The following HS3ST4 variants were observed in gnomAD, a reference collection of about 807,000 sequenced individuals.
HS3ST4 encodes heparan sulfate glucosamine 3-O-sulfotransferase 4.
HS3ST4 carries 17 observed loss-of-function variants against 29.2 expected under a neutral mutation model. The ratio of observed to expected loss-of-function variants is 0.58; its 90% confidence interval spans 0.40 to 0.87. HS3ST4 has a LOEUF of 0.87. HS3ST4 is among the 40% of genes least tolerant of loss of function. HS3ST4 has a pLI of 0.00. For synonymous variants in HS3ST4, 314 were observed against 285.7 expected (o/e 1.10, Z -1.00); for missense variants, 627 against 634.5 (o/e 0.99, Z 0.13).
At chr16:25,717,698 A>G (rs1047753478) in intron 1 of HS3ST4, among the ~76,000 whole-genome samples, 1 of 152,142 alleles carries the variant, frequency 6.6e-6, no homozygotes, top group East Asian at 1.9e-4. Flanking sequence ...TGGAGAGGAA[A>G]GACATGCAAG....
intron 1 of HS3ST4, among the ~76,000 whole-genome samples, chr16:26,007,484 C>A (rs887365071): frequency 6.6e-6 from 1 of 152,158 alleles, no homozygotes; most frequent in Non-Finnish European, 1.5e-5. Context: ...GGAATGTTAA[C>A]GTCTGCATTT....
chr16:25,799,312 G>A (rs1446689901), intron 1 of HS3ST4, among the ~76,000 whole-genome samples: 1 of 152,120 alleles, frequency 6.6e-6, no homozygotes, highest in Non-Finnish European at 1.5e-5. Flanking sequence ...GTTGGATTTT[G>A]TAGAGCTTGT....
intron 1 of HS3ST4, among the ~76,000 whole-genome samples, chr16:26,071,195 T>C (rs74013251): frequency 0.042 from 6,321 of 152,220 alleles, 433 homozygotes; most frequent in African/African-American, 0.14. Context: ...CAATTCTTTG[T>C]GATGCGAGGA....
chr16:25,903,382 TAA>T (rs1184885160), intron 1 of HS3ST4, among the ~76,000 whole-genome samples: 3 of 145,726 alleles, frequency 2.1e-5, no homozygotes, highest in Admixed American at 7.0e-5. Flanking sequence ...TATATATATA[TAA>T]AATCACATAT....
At chr16:25,913,760 G>A (rs929066111) in intron 1 of HS3ST4, among the ~76,000 whole-genome samples, 25 of 152,088 alleles carry the variant, frequency 1.6e-4, no homozygotes, top group Non-Finnish European at 1.8e-4. Context: ...AGATGTGTGT[G>A]TGTATGTGTG....
chr16:25,840,799 G>A (rs1389750128), intron 1 of HS3ST4, among the ~76,000 whole-genome samples: 2 of 151,978 alleles, frequency 1.3e-5, no homozygotes, highest in Non-Finnish European at 2.9e-5. Flanking sequence ...AATAAACACT[G>A]TGGAGTTTTT....
At chr16:25,996,672 T>C (rs1969161606) in intron 1 of HS3ST4, among the ~76,000 whole-genome samples, 1 of 152,192 alleles carries the variant, frequency 6.6e-6, no homozygotes, top group African/African-American at 2.4e-5. Context: ...AATTTCATAG[T>C]ATGTTTTAGT....
chr16:26,026,896 C>T (rs918533909), intron 1 of HS3ST4, among the ~76,000 whole-genome samples: 2 of 152,146 alleles, frequency 1.3e-5, no homozygotes, highest in African/African-American at 4.8e-5. Flanking sequence ...CCTCATGGGA[C>T]ATTTAAATGA....
chr16:25,796,889 C>T (rs543909578), intron 1 of HS3ST4, among the ~76,000 whole-genome samples: 4 of 152,242 alleles, frequency 2.6e-5, no homozygotes, highest in South Asian at 4.2e-4. Flanking sequence ...CCGGGCGTTG[C>T]GGTCGCATTG....
At chr16:25,962,918 A>G (rs535809477) in intron 1 of HS3ST4, among the ~76,000 whole-genome samples, 1 of 152,288 alleles carries the variant, frequency 6.6e-6, no homozygotes, top group African/African-American at 2.4e-5. Flanking sequence ...ACCTAATAAG[A>G]ATTCAACCAA....
At chr16:25,706,113 A>G (rs1966374375) in intron 1 of HS3ST4, among the ~76,000 whole-genome samples, 1 of 152,214 alleles carries the variant, frequency 6.6e-6, no homozygotes, top group African/African-American at 2.4e-5. Flanking sequence ...GAATTCCTGG[A>G]CAATCTCAGA....
intron 1 of HS3ST4, among the ~76,000 whole-genome samples, chr16:25,758,563 T>C (rs1966771075): frequency 6.6e-6 from 1 of 152,148 alleles, no homozygotes; most frequent in South Asian, 2.1e-4. Context: ...GGATAGTTCA[T>C]TGACTGATCC....
chr16:25,910,603 A>G (rs192289392), intron 1 of HS3ST4, among the ~76,000 whole-genome samples: 2 of 151,938 alleles, frequency 1.3e-5, no homozygotes, highest in African/African-American at 2.4e-5. Context: ...AGATTGCCCT[A>G]TTGTACCCAC....
intron 1 of HS3ST4, among the ~76,000 whole-genome samples, chr16:25,792,426 G>A (rs933928332): frequency 1.3e-5 from 2 of 151,708 alleles, no homozygotes; most frequent in African/African-American, 4.8e-5. Flanking sequence ...AAGCTGTCAG[G>A]GCCTGGAAAT....
At chr16:26,077,283 G>A (rs536095389) in intron 1 of HS3ST4, among the ~76,000 whole-genome samples, 1 of 152,324 alleles carries the variant, frequency 6.6e-6, no homozygotes, top group East Asian at 1.9e-4. Context: ...TATTGGTCAT[G>A]TTTACTTTAT....
intron 1 of HS3ST4, among the ~76,000 whole-genome samples, chr16:25,865,350 C>A (rs1399330945): frequency 6.6e-6 from 1 of 152,154 alleles, no homozygotes; most frequent in East Asian, 1.9e-4. Flanking sequence ...GCCACTCTGA[C>A]AGGTGTGAGG....
At chr16:25,732,830 G>A (rs2141594316) in intron 1 of HS3ST4, among the ~76,000 whole-genome samples, 1 of 152,292 alleles carries the variant, frequency 6.6e-6, no homozygotes, top group African/African-American at 2.4e-5. Context: ...CTTCGGACAT[G>A]TCGCCCAATC....
chr16:25,779,047 G>GA (rs1966850369), intron 1 of HS3ST4, among the ~76,000 whole-genome samples: 1 of 152,076 alleles, frequency 6.6e-6, no homozygotes. Flanking sequence ...TGTTTTTATG[G>GA]AAAACCTTGT....
intron 1 of HS3ST4, among the ~76,000 whole-genome samples, chr16:25,828,298 T>TCTCTCTCTCTCTCTC (rs1567249508): frequency 3.6e-5 from 1 of 27,884 alleles, no homozygotes; most frequent in Non-Finnish European, 7.0e-5. Context: ...CTTTCTTTCT[T>TCTCTCTCTCTCTCTC]TCCCTCTCTC....
Sources: allele counts gnomAD v4.1 joint callset (sites outside exome capture counted in the v4.1 genomes callset), GRCh38; gene constraint gnomAD v4.1.1; transcripts MANE v1.5; gene names NCBI Gene and HGNC (gene_info 2026-07-23, HGNC 2026-07-21).